The following FAM83E variants were observed in gnomAD, a reference collection of about 807,000 sequenced individuals.
FAM83E encodes the protein protein FAM83E.
FAM83E carries 29 observed loss-of-function variants against 34.3 expected under a neutral mutation model. The ratio of observed to expected loss-of-function variants is 0.85; its 90% CI spans 0.63 to 1.15. The LOEUF (loss-of-function observed/expected upper bound fraction) is 1.15, where lower values mean the gene tolerates loss of function less well. FAM83E is among the 50% of genes most tolerant of loss of function. The pLI is 0.00. For missense variants in FAM83E, 697 were observed against 685.0 expected, an observed-to-expected ratio of 1.02 and a Z score of -0.20; for synonymous variants, 312 against 311.6, an observed-to-expected ratio of 1.00 and a Z score of -0.01.
Position 48,610,740 on chromosome 19 carries a change from C to A in FAM83E, c.573G>T (p.Gln191His). Residue 191 changes from glutamine (Q) to histidine (H), a missense_variant, in exon 4 of 7, where the codon CAG becomes CAT. Transcript: ENST00000263266. The part of the protein sequence containing the change: ...WVPVYLLLDR[Q>H]QLPAFLELAQ... ...CCAGTTCCAGGAAGGCAGGCAGCTG[C>A]TGGCGGTCCAGGAGCAGGTAGACAG... The A allele has an allele frequency of 6.3e-7, 1 of 1,587,532 alleles. No individual in the cohort carries two copies. Among genetic ancestry groups the A allele is most frequent in the African/African-American group, 1.3e-5 (1 of 74,448 alleles).
At chr19:48,603,409 C>T (rs1294704382) in intron 6 of FAM83E, 85 bp downstream of exon 6, 20 of 1,300,158 alleles carry the variant, frequency 1.5e-5, no homozygotes, top group Non-Finnish European at 2.0e-5. Context: ...GGGAGCAGGG[C>T]CCCTGGAGCC....
chr19:48,609,834 G>T lies in FAM83E; in HGVS notation c.758+42C>A, dbSNP rs534257136. 14 of 1,583,278 alleles carry T rather than the reference G, an allele frequency of 8.8e-6. No individual in the cohort carries two copies. In the East Asian group the frequency reaches 2.5e-4, roughly 28 times the overall value. Reference sequence around the variant, plus strand: ...TCTGAGCACACTGAGGGAAAGTGGGGTATAGGACGCCGGGAGGTGGGGGGC... The same window carrying T: ...TCTGAGCACACTGAGGGAAAGTGGGTTATAGGACGCCGGGAGGTGGGGGGC... On this transcript the variant is annotated intron_variant, in intron 5 of 6. Coordinates refer to ENST00000263266, the MANE Select transcript of FAM83E (RefSeq NM_017708.4).
chr19:48,613,483 T>C lies in FAM83E; in HGVS notation c.-111A>G, dbSNP rs1974089795. The stretch of plus-strand genomic sequence containing the variant: ...GTTCTCCTGATAGGCAGACCCTACG[T>C]GGCCATCCGAGGCCTCCGGCGGGGC... On this transcript the variant is annotated 5_prime_UTR_variant, in exon 3 of 7. Transcript: ENST00000263266. 1.4e-6 allele frequency: 2 copies of C among 1,431,590 alleles called. No individual in the cohort carries two copies. Among genetic ancestry groups the C allele is most frequent in the Admixed American group, 2.8e-5 (1 of 35,374 alleles). 88.7% of individuals were successfully genotyped at this position (1,431,590 alleles called of 1,614,324 possible).
intron 5 of FAM83E, among the ~76,000 whole-genome samples, chr19:48,606,525 C>T (rs1027057001): frequency 2.0e-5 from 3 of 152,210 alleles, no homozygotes; most frequent in Non-Finnish European, 4.4e-5. Context: ...AAGTCAAGCC[C>T]TTGGCGGGTG....
rs1050702319 is a variant in FAM83E at position 48,610,780 on chromosome 19, G to A, written c.533C>T (p.Thr178Met). Residue 178 changes from threonine (T) to methionine (M), a missense_variant, in exon 4 of 7, where the codon ACG (threonine) becomes ATG (methionine). Physicochemically the swap from Thr to Met is moderately conservative, Grantham distance 81. Coordinates refer to ENST00000263266, the MANE Select transcript of FAM83E (RefSeq NM_017708.4). ...CAGGTAGACAGGTACCCAGCGGCGC[G>A]TGGCAGCATCCACCAAGTCCAAAAG... ...DLLLDLVDAA[T>M]RRWVPVYLLL... The A allele has an allele frequency of 9.4e-6, 15 of 1,589,906 alleles. No individual in the cohort carries two copies. Among genetic ancestry groups the A allele is most frequent in the African/African-American group, 1.3e-5 (1 of 74,446 alleles).
chr19:48,613,588 T>C lies in FAM83E; in HGVS notation c.-216A>G. On this transcript the variant is annotated 5_prime_UTR_variant, in exon 3 of 7. The change abolishes an upstream ATG in the 5' untranslated region. Transcript: ENST00000263266. ...ATCACGCTGCCCAAATAAGCGACCA[T>C]CCAATGTGTCAGGCCACTCAGATCC... The C allele has an allele frequency of 7.2e-7, 1 of 1,395,510 alleles. No homozygotes were observed. The highest frequency in any genetic ancestry group is 9.3e-7 in the Non-Finnish European group (1 of 1,079,216). The allele number at this position is 1,395,510 out of a possible 1,614,324, so 86.4% of individuals were successfully genotyped here. A position where few individuals can be genotyped will look rare whatever the true frequency, so the allele number is the denominator to read the frequency against.
chr19:48,601,470 G>GA, intron 6 of FAM83E, 101 bp from the exon 7 acceptor site: 4 of 1,488,188 alleles, frequency 2.7e-6, no homozygotes, highest in Non-Finnish European at 3.6e-6. Context: ...GAGAAGCAGC[G>GA]AAAGTGACAG....
Position 48,613,337 on chromosome 19 carries a change from C to A in FAM83E, c.36G>T (p.Val12=). The A allele has an allele frequency of 6.3e-7, 1 of 1,585,924 alleles. No individual in the cohort carries two copies. The highest frequency in any genetic ancestry group is 2.3e-5 in the East Asian group (1 of 44,160). Residue 12 remains valine, a synonymous_variant, in exon 3 of 7, where the codon GTG becomes GTT. Transcript: ENST00000263266. ...CCCCGGGCACCCTGGGACCGGAGTC[C>A]ACTCCTTCCAGCGCCGCCAGCTGGG... ...AASQLAALEG[V]DSGPRVPGAS...
rs933446887 is a variant in FAM83E, at chr19:48,614,535, G to C, written c.-1163C>G. 1.0e-6 allele frequency: 1 copy of C among 985,648 alleles called. No individual in the cohort carries two copies. Among genetic ancestry groups the C allele is most frequent in the African/African-American group, 1.7e-5 (1 of 57,300 alleles). 61.1% of individuals were successfully genotyped at this position (985,648 alleles called of 1,614,324 possible). On this transcript the variant is annotated 5_prime_UTR_variant, in exon 3 of 7. Transcript: ENST00000263266. ...CCTTGAGGCTCCTGACCCAACCTCG[G>C]GGACCCTGGACCCTTGATCCCTGCA...
intron 5 of FAM83E, among the ~76,000 whole-genome samples, chr19:48,608,376 G>A (rs546554584): frequency 6.6e-6 from 1 of 151,176 alleles, no homozygotes; most frequent in Non-Finnish European, 1.5e-5. Context: ...GCCTCCCAAA[G>A]TGCTGGGACT....
rs937197498 is a variant in FAM83E at position 48,613,546 on chromosome 19, G to C, written c.-174C>G. On this transcript the variant is annotated 5_prime_UTR_variant, in exon 3 of 7. Transcript: ENST00000263266. ...CAAATGGCTCCCTGCAGCAGCCCCT[G>C]CCACACTGTTCTGACAATCACGCTG... 1 of 1,423,798 alleles carries C rather than the reference G, an allele frequency of 7.0e-7. No individual in the cohort carries two copies. Among genetic ancestry groups the C allele is most frequent in the East Asian group, 2.5e-5 (1 of 39,646 alleles). The allele number at this position is 1,423,798 out of a possible 1,614,324, so 88.2% of individuals were successfully genotyped here. A position where few individuals can be genotyped will look rare whatever the true frequency, so the allele number is the denominator to read the frequency against.
intron 5 of FAM83E, chr19:48,607,016 T>TGCCCCC (rs1309032282): frequency 6.2e-7 from 1 of 1,610,748 alleles, no homozygotes; most frequent in Admixed American, 1.7e-5. Context: ...GTGATGGCTC[T>TGCCCCC]GCCCCCAGGC....
rs1973803834 is a variant in FAM83E, at chr19:48,601,137, G to A, written c.1409C>T (p.Pro470Leu). Residue 470 changes from proline (P) to leucine (L), a missense_variant, in exon 7 of 7, where the codon CCC becomes CTC. Transcript: ENST00000263266. ...GGGTTGCCCCCCAAGTCCTGCCCGG[G>A]GGGCCCAGTCTGACGGCCTGACGCC... ...PRGVRPSDWA[P>L]RAGLGGQP The A allele has an allele frequency of 6.2e-7, 1 of 1,612,792 alleles. No individual in the cohort carries two copies. Among genetic ancestry groups the A allele is most frequent in the Non-Finnish European group, 8.5e-7 (1 of 1,179,720 alleles).
At chr19:48,610,928 T>A in intron 3 of FAM83E, 81 bp from the exon 4 acceptor site, 1 of 1,421,070 alleles carries the variant, frequency 7.0e-7, no homozygotes. Flanking sequence ...AAACCTGACA[T>A]CTGGAATCTG....
Position 48,612,899 on chromosome 19 carries a change from G to A in FAM83E, c.465+9C>T, listed in dbSNP as rs1362899426. The A allele has an allele frequency of 1.5e-5, 23 of 1,525,868 alleles. No homozygotes were observed. Among genetic ancestry groups the A allele is most frequent in the East Asian group, 1.2e-4 (5 of 40,884 alleles). 94.5% of individuals were successfully genotyped at this position (1,525,868 alleles called of 1,614,324 possible). On this transcript the variant is annotated intron_variant, in intron 3 of 6. Transcript: ENST00000263266. ...TGGTGAATGGACACAGGGCCCCCGCGACACCCACCTTGTGGGCAGCCTGGA... is the reference window on the plus strand; with the variant it reads ...TGGTGAATGGACACAGGGCCCCCGCAACACCCACCTTGTGGGCAGCCTGGA...
At position 48,601,196 on chromosome 19, in the gene FAM83E, A is replaced by C. The variant is rs1247612680; in HGVS notation, c.1350T>G (p.Gly450=). 1 of 1,612,566 alleles carries C rather than the reference A, an allele frequency of 6.2e-7. No homozygotes were observed. The highest frequency in any genetic ancestry group is 1.7e-5 in the Admixed American group (1 of 59,798). The part of the protein sequence containing the change: ...RYLSPARRRF[G]GDATFKLQEP... ...CTTGAAGTTTGAATGTAGCATCCCCACCGAACCGCCTTCGGGCTGGGGACA... is the reference window on the plus strand; with the variant it reads ...CTTGAAGTTTGAATGTAGCATCCCCCCCGAACCGCCTTCGGGCTGGGGACA... The change falls in exon 7 of 7, where the codon GGT becomes GGG. Residue 450 remains glycine (G), a synonymous_variant. Transcript: ENST00000263266.
At chr19:48,603,030 T>G (rs1434403425) in intron 6 of FAM83E, among the ~76,000 whole-genome samples, 1 of 151,032 alleles carries the variant, frequency 6.6e-6, no homozygotes, top group Non-Finnish European at 1.5e-5. Flanking sequence ...TTTTTTGTAT[T>G]TTTAGTAGAG....
At chr19:48,610,085 G>C in intron 4 of FAM83E, 85 bp from the exon 5 acceptor site, 1 of 1,524,756 alleles carries the variant, frequency 6.6e-7, no homozygotes, top group Middle Eastern at 1.7e-4. Flanking sequence ...TCTAACTGGG[G>C]GACCCATGAC....
intron 6 of FAM83E, among the ~76,000 whole-genome samples, chr19:48,602,657 C>G (rs1254740673): frequency 1.7e-5 from 2 of 118,470 alleles, no homozygotes; most frequent in Non-Finnish European, 3.3e-5. Context: ...TTCCTGATTC[C>G]CAAGGCATTG....
Sources: allele counts gnomAD v4.1 joint callset (sites outside exome capture counted in the v4.1 genomes callset), GRCh38; gene constraint gnomAD v4.1.1; transcripts MANE v1.5; gene names NCBI Gene and HGNC (gene_info 2026-07-23, HGNC 2026-07-21).